Variants in ADGB observed in about 807,000 individuals in gnomAD.
The protein encoded by ADGB is androglobin.
A neutral mutation model predicts 210.5 loss-of-function variants in ADGB; 172 were observed. The ratio of observed to expected loss-of-function variants is 0.82; its 90% CI spans 0.72 to 0.93. The LOEUF (loss-of-function observed/expected upper bound fraction) is 0.93. Ranked by LOEUF, ADGB falls within the 40% of genes least tolerant of loss-of-function variation. The pLI is 0.00. For missense variants in ADGB, 2,025 were observed against 1,964.8 expected (o/e 1.03, Z -0.58); for synonymous variants, 658 against 662.7 (o/e 0.99, Z 0.11).
intron 29 of ADGB, among the ~76,000 whole-genome samples, chr6:146,780,529 A>G (rs1466989141): frequency 6.6e-6 from 1 of 152,070 alleles, no homozygotes; most frequent in Non-Finnish European, 1.5e-5. Context: ...GAATAACCAA[A>G]AGAGACCTGG....
intron 28 of ADGB, among the ~76,000 whole-genome samples, chr6:146,764,918 G>A (rs2114626421): frequency 6.6e-6 from 1 of 152,166 alleles, no homozygotes; most frequent in African/African-American, 2.4e-5. Context: ...TCCTGCCTCA[G>A]CCTCCTGAGT....
At position 146,667,014 on chromosome 6, in the gene ADGB, T is replaced by A. The variant is rs1233900668; in HGVS notation, c.839+112T>A. Reference sequence around the variant, plus strand: ...CAAGAAAGGTCATGTTTTGCAAAATTTGGGGGAAAATATCGTTTTGTAGTA... The same window carrying A: ...CAAGAAAGGTCATGTTTTGCAAAATATGGGGGAAAATATCGTTTTGTAGTA... On this transcript the variant is annotated intron_variant, in intron 7 of 35. Coordinates refer to ENST00000397944, the MANE Select transcript of ADGB (RefSeq NM_024694.4). 5.5e-6 allele frequency: 4 copies of A among 728,908 alleles called. No homozygotes were observed. In the Admixed American group the frequency reaches 8.5e-5, roughly 16 times the overall value. 45.2% of individuals were successfully genotyped at this position (728,908 alleles called of 1,614,324 possible).
intron 6 of ADGB, among the ~76,000 whole-genome samples, chr6:146,664,853 C>T (rs759705580): frequency 2.1e-4 from 32 of 151,996 alleles, no homozygotes; most frequent in Non-Finnish European, 3.8e-4. Flanking sequence ...ATATTTTCTT[C>T]AGTATTCTTA....
chr6:146,806,379 TAC>T (rs965131566), intron 35 of ADGB, among the ~76,000 whole-genome samples: 1 of 152,232 alleles, frequency 6.6e-6, no homozygotes, highest in Non-Finnish European at 1.5e-5. Context: ...TAAACTTATT[TAC>T]ACACTTTCTT....
At chr6:146,622,591 C>T (rs1033551845) in intron 1 of ADGB, among the ~76,000 whole-genome samples, 2 of 152,042 alleles carry the variant, frequency 1.3e-5, no homozygotes, top group African/African-American at 4.8e-5. Context: ...GATCAAATAG[C>T]TTGCCAATTT....
chr6:146,672,243 G>C lies in ADGB; in HGVS notation c.863G>C (p.Trp288Ser). 1 of 1,539,002 alleles carries C rather than the reference G, an allele frequency of 6.5e-7. No homozygotes were observed. ...SLHPGYMDKV[W>S]ELLKEILPEF... ...AGCCCGGGATATATGGACAAAGTTT[G>C]GGAGCTCCTGAAAGAAATATTGCCT... The change falls in exon 8 of 36, where the codon TGG (tryptophan) becomes TCG (serine). Residue 288 changes from tryptophan to serine, a missense_variant. Transcript: ENST00000397944.
At chr6:146,749,651 A>G (rs534403320) in intron 26 of ADGB, among the ~76,000 whole-genome samples, 88 of 152,254 alleles carry the variant, frequency 5.8e-4, no homozygotes, top group South Asian at 1.0e-3. Context: ...GTCCGTTCTC[A>G]CACTGCTATA....
At position 146,685,771 on chromosome 6, in the gene ADGB, T is replaced by A; in HGVS notation, c.1254T>A (p.Tyr418Ter). Residue 418 changes from tyrosine (Y) to a stop codon, truncating the protein, a stop_gained, in exon 10 of 36, where the codon TAT becomes TAA. Transcript: ENST00000397944. LOFTEE classifies it high-confidence loss of function. ...TACAGACCTCTCATATGGTCGTATA[T>A]GCGACATTTACACCTCTTTATTTGT... is the stretch of plus-strand genomic sequence containing the variant. ...SAIQTSHMVVYATFTPLYLFE... is the reference protein window; with the variant it reads ...SAIQTSHMVV The A allele has an allele frequency of 1.9e-6, 3 of 1,542,476 alleles. No individual in the cohort carries two copies. Among genetic ancestry groups the A allele is most frequent in the Non-Finnish European group, 2.6e-6 (3 of 1,143,218 alleles).
At chr6:146,739,083 G>A (rs1777124686) in intron 23 of ADGB, among the ~76,000 whole-genome samples, 1 of 152,084 alleles carries the variant, frequency 6.6e-6, no homozygotes, top group South Asian at 2.1e-4. Context: ...CATTAAACGG[G>A]TAGAATGTTT....
intron 5 of ADGB, among the ~76,000 whole-genome samples, chr6:146,657,420 T>C (rs1168863682): frequency 2.0e-5 from 3 of 151,994 alleles, no homozygotes; most frequent in Non-Finnish European, 4.4e-5. Flanking sequence ...GATAATGCAG[T>C]TTTTATAGGA....
rs548252353 is a variant in ADGB, at chr6:146,801,370, A to T, written c.4634+91A>T. On this transcript the variant is annotated intron_variant, in intron 34 of 35. Coordinates refer to ENST00000397944, the MANE Select transcript of ADGB (RefSeq NM_024694.4). ...CTTAAATGTTTTCTGTAAAGATTTA[A>T]TTTGAGGCCTGATTAAGGTGAGATG... is the stretch of plus-strand genomic sequence containing the variant. 3.7e-6 allele frequency: 3 copies of T among 807,750 alleles called. No individual in the cohort carries two copies. In the South Asian group the frequency reaches 1.1e-4, roughly 29 times the overall value. 50.0% of individuals were successfully genotyped at this position (807,750 alleles called of 1,614,324 possible).
At chr6:146,810,325 G>A (rs1049605009) in intron 35 of ADGB, among the ~76,000 whole-genome samples, 12 of 152,164 alleles carry the variant, frequency 7.9e-5, no homozygotes, top group Admixed American at 2.0e-4. Flanking sequence ...AGGGTGTGGA[G>A]AAAGGGAACC....
intron 35 of ADGB, chr6:146,807,477 C>G: frequency 6.4e-7 from 1 of 1,551,534 alleles, no homozygotes; most frequent in East Asian, 2.4e-5. Flanking sequence ...GGAAGCTGAG[C>G]ACCTAAAGCT....
rs57913607 is a variant in ADGB at position 146,650,597 on chromosome 6, CAAAAAAAAAAAAAA to C, written c.331-3514_331-3501del. On this transcript the variant is annotated intron_variant, in intron 3 of 35. Transcript: ENST00000397944. ...ATAAATACTCCTGAGTCCCTCCCAC[CAAAAAAAAAAAAAA>C]AAAAAAAAAAAAAAAAAAAAAAATC... Among the ~76,000 whole-genome samples, 53 of 36,558 alleles carry C rather than the reference CAAAAAAAAAAAAAA, an allele frequency of 1.4e-3. No homozygotes were observed. In the East Asian group the frequency reaches 0.027, roughly 19 times the overall value. The allele number at this position is 36,558 out of a possible 152,430, so 24.0% of individuals were successfully genotyped here. A position where few individuals can be genotyped will look rare whatever the true frequency, so the allele number is the denominator to read the frequency against.
intron 3 of ADGB, among the ~76,000 whole-genome samples, chr6:146,653,537 A>T (rs1214957983): frequency 6.6e-6 from 1 of 152,210 alleles, no homozygotes; most frequent in Non-Finnish European, 1.5e-5. Flanking sequence ...GAGCTAAATG[A>T]TGAGAATACA....
intron 2 of ADGB, among the ~76,000 whole-genome samples, chr6:146,644,413 T>A (rs763002900): frequency 6.6e-5 from 10 of 151,810 alleles, no homozygotes; most frequent in African/African-American, 9.7e-5. Flanking sequence ...GTAAAAAAAA[T>A]TTTTTCAATG....
intron 1 of ADGB, among the ~76,000 whole-genome samples, chr6:146,599,686 C>T (rs971538675): frequency 6.6e-6 from 1 of 152,176 alleles, no homozygotes; most frequent in African/African-American, 2.4e-5. Flanking sequence ...GACCCTCGCT[C>T]ATGGAATTTT....
At chr6:146,737,795 G>A (rs1777102037) in intron 23 of ADGB, among the ~76,000 whole-genome samples, 1 of 152,128 alleles carries the variant, frequency 6.6e-6, no homozygotes, top group Non-Finnish European at 1.5e-5. Context: ...ACACCAGGGA[G>A]GTGTAACACT....
intron 27 of ADGB, among the ~76,000 whole-genome samples, chr6:146,762,586 T>C (rs1777508268): frequency 1.3e-5 from 2 of 152,150 alleles, no homozygotes; most frequent in Non-Finnish European, 2.9e-5. Flanking sequence ...TTGTGTGCTG[T>C]ATATTGTGCG....
Sources: gnomAD v4.1 joint callset for allele counts (sites outside exome capture counted in the v4.1 genomes callset) on GRCh38, gnomAD v4.1.1 for gene constraint, MANE v1.5 for transcripts, NCBI Gene and HGNC (gene_info 2026-07-23, HGNC 2026-07-21) for gene names.